Variants in PLG observed in about 807,000 individuals in gnomAD.
PLG encodes the protein plasmin.
A neutral mutation model predicts 104.4 loss-of-function variants in PLG; 41 were observed. That is an observed-to-expected ratio of 0.39 (90% CI 0.31 to 0.51). The LOEUF is 0.51. PLG is among the 20% of genes least tolerant of loss of function. PLG has a pLI of 0.76. For missense variants in PLG, 891 were observed against 1,003.6 expected (o/e 0.89, Z 1.52); for synonymous variants, 337 against 357.1 (o/e 0.94, Z 0.63).
Position 160,733,316 on chromosome 6 carries a change from C to T in PLG, c.1588-679C>T, listed in dbSNP as rs183030014. On this transcript the variant is annotated intron_variant, in intron 12 of 18. Transcript: ENST00000308192. ...TCATCGGGTAGGAGAGCGCTGAGCCCTCCAGGGACAATGCACATCAATGAT... is the reference window on the plus strand; with the variant it reads ...TCATCGGGTAGGAGAGCGCTGAGCCTTCCAGGGACAATGCACATCAATGAT... Among the ~76,000 whole-genome samples, 16 of 152,268 alleles carry T rather than the reference C, an allele frequency of 1.1e-4. No homozygotes were observed. In the East Asian group the frequency reaches 2.9e-3, roughly 28 times the overall value.
At chr6:160,709,460 C>T (rs1221204867) in intron 3 of PLG, among the ~76,000 whole-genome samples, 1 of 152,138 alleles carries the variant, frequency 6.6e-6, no homozygotes, top group East Asian at 1.9e-4. Context: ...CAAAGACTTC[C>T]CAAATGTGCT....
intron 5 of PLG, 122 bp downstream of exon 5, chr6:160,713,247 G>C (rs1777675861): frequency 4.7e-6 from 4 of 846,268 alleles, no homozygotes; most frequent in Non-Finnish European, 8.0e-6. Context: ...CTCTCGGAAA[G>C]AAGCAAAACC....
chr6:160,718,027 G>A (rs1037597128), intron 7 of PLG, among the ~76,000 whole-genome samples: 39 of 152,236 alleles, frequency 2.6e-4, no homozygotes, highest in African/African-American at 8.9e-4. Context: ...CGAGGTGGGC[G>A]GATCACGAGG....
rs111297167 is a variant in PLG, at chr6:160,714,113, G to A, written c.548-681G>A. Among the ~76,000 whole-genome samples, 709 of 152,142 alleles carry A rather than the reference G, an allele frequency of 4.7e-3. 8 individuals are homozygous for A. Among genetic ancestry groups the A allele is most frequent in the African/African-American group, 0.014 (563 of 41,492 alleles). The stretch of plus-strand genomic sequence containing the variant: ...CATCACTGTTATATTAAGTCTGCCC[G>A]TTTTCCTTAGTACTCCATAAAATTT... On this transcript the variant is annotated intron_variant, in intron 5 of 18. Coordinates refer to ENST00000308192, the MANE Select transcript of PLG (RefSeq NM_000301.5).
In PLG at chr6:160,752,020, C is replaced by T; in HGVS notation, c.2126-95C>T. Reference sequence around the variant, plus strand: ...AGCTGCCTCGTGTTCTGCAGCCTCACAGACAGGAGGTCCAGTGCCGCTGCT... The same window carrying T: ...AGCTGCCTCGTGTTCTGCAGCCTCATAGACAGGAGGTCCAGTGCCGCTGCT... On this transcript the variant is annotated intron_variant, in intron 17 of 18. Coordinates refer to ENST00000308192, the MANE Select transcript of PLG (RefSeq NM_000301.5). This position sits in a 1 kb window ranked among gnomAD's most constrained non-coding sequence, Gnocchi z 4.7. 1 of 1,088,604 alleles carries T rather than the reference C, an allele frequency of 9.2e-7. No individual in the cohort carries two copies. Among genetic ancestry groups the T allele is most frequent in the Non-Finnish European group, 1.4e-6 (1 of 710,880 alleles). 67.4% of individuals were successfully genotyped at this position (1,088,604 alleles called of 1,614,324 possible). A position where few individuals can be genotyped will look rare whatever the true frequency, so the allele number is the denominator to read the frequency against.
In PLG at chr6:160,752,359, C is replaced by G; in HGVS notation, c.2271+99C>G. 2 of 1,037,936 alleles carry G rather than the reference C, an allele frequency of 1.9e-6. No individual in the cohort carries two copies. Among genetic ancestry groups the G allele is most frequent in the Admixed American group, 1.7e-5 (1 of 58,562 alleles). The allele number at this position is 1,037,936 out of a possible 1,614,324, so 64.3% of individuals were successfully genotyped here. A position where few individuals can be genotyped will look rare whatever the true frequency, so the allele number is the denominator to read the frequency against. On this transcript the variant is annotated intron_variant, in intron 18 of 18. Coordinates refer to ENST00000308192, the MANE Select transcript of PLG (RefSeq NM_000301.5). This position sits in a 1 kb window ranked among gnomAD's most constrained non-coding sequence, Gnocchi z 4.7. ...CCCAGGTGGCAAATTCAAGGATTTT[C>G]AACCGAAGACCCCAGTCTAAGTGTT...
chr6:160,735,794 C>A lies in PLG; in HGVS notation c.1682-1093C>A, dbSNP rs961093851. Among the ~76,000 whole-genome samples, 5 of 152,100 alleles carry A rather than the reference C, an allele frequency of 3.3e-5. No individual in the cohort carries two copies. The highest frequency in any genetic ancestry group is 1.2e-4 in the African/African-American group (5 of 41,416). ...GGGTACCATCATTTCTGTAGTTACT[C>A]TTTTAGTACAACGATGCATGTCTAC... is the stretch of plus-strand genomic sequence containing the variant. On this transcript the variant is annotated intron_variant, in intron 13 of 18. Coordinates refer to ENST00000308192, the MANE Select transcript of PLG (RefSeq NM_000301.5). The surrounding 1 kb of genome is among the most constrained non-coding windows in gnomAD (Gnocchi z 5.4).
rs1243073853 is a variant in PLG at position 160,752,516 on chromosome 6, T to G, written c.2271+256T>G. Among the ~76,000 whole-genome samples, 2 of 152,116 alleles carry G rather than the reference T, an allele frequency of 1.3e-5. No homozygotes were observed. Among genetic ancestry groups the G allele is most frequent in the Admixed American group, 6.5e-5 (1 of 15,268 alleles). On this transcript the variant is annotated intron_variant, in intron 18 of 18. Transcript: ENST00000308192. This position sits in a 1 kb window ranked among gnomAD's most constrained non-coding sequence, Gnocchi z 4.7. ...AACTACCTCAGGCCACTCACCCTCC[T>G]GGGGTGTGCTGGTGGCCAGGGACTA...
At position 160,711,922 on chromosome 6, in the gene PLG, AT is replaced by A. The variant is rs1247402098; in HGVS notation, c.407+738del. ...ACTTGCCTATTATTTATTTTAGTGC[AT>A]TTTTTTGTACTTTTCCCAGTTTGGT... On this transcript the variant is annotated intron_variant, in intron 4 of 18. Coordinates refer to ENST00000308192, the MANE Select transcript of PLG (RefSeq NM_000301.5). 12 of 1,326,046 alleles carry A rather than the reference AT, an allele frequency of 9.0e-6. No individual in the cohort carries two copies. In the Admixed American group the frequency reaches 1.1e-4, roughly 12 times the overall value. 82.1% of individuals were successfully genotyped at this position (1,326,046 alleles called of 1,614,324 possible).
chr6:160,711,969 C>T (rs1352193787), intron 4 of PLG: 10 of 1,221,416 alleles, frequency 8.2e-6, no homozygotes, highest in Non-Finnish European at 1.0e-5. Flanking sequence ...ATTAAGTTCT[C>T]AGTAATGACG....
intron 2 of PLG, among the ~76,000 whole-genome samples, chr6:160,706,878 T>C (rs572425870): frequency 2.6e-5 from 4 of 151,574 alleles, no homozygotes; most frequent in Admixed American, 2.0e-4. Context: ...ATCTGAGCAA[T>C]GACTTATAGC....
chr6:160,713,203 A>C, intron 5 of PLG, 78 bp downstream of exon 5: 12 of 1,094,126 alleles, frequency 1.1e-5, no homozygotes, highest in Non-Finnish European at 1.7e-5. Context: ...CCCTTCCCAC[A>C]GGGATGTTAT....
intron 5 of PLG, among the ~76,000 whole-genome samples, chr6:160,714,587 G>C (rs984519892): frequency 6.6e-6 from 1 of 152,130 alleles, no homozygotes; most frequent in Non-Finnish European, 1.5e-5. Context: ...TGAATGTTAC[G>C]GTTTAAAAGG....
At position 160,718,885 on chromosome 6, in the gene PLG, AT is replaced by A. The variant is rs772837888; in HGVS notation, c.1096+52del. The stretch of plus-strand genomic sequence containing the variant: ...TACTGAGGGCCCAAGTTTTCTCCTT[AT>A]TTTTGTATACCAGTGGCATCATCAC... On this transcript the variant is annotated intron_variant, in intron 9 of 18. Transcript: ENST00000308192. 2.6e-6 allele frequency: 4 copies of A among 1,530,288 alleles called. No individual in the cohort carries two copies. The East Asian group carries it at 9.0e-5, about 34-fold the overall frequency. The allele number at this position is 1,530,288 out of a possible 1,614,324, so 94.8% of individuals were successfully genotyped here. A position where few individuals can be genotyped will look rare whatever the true frequency, so the allele number is the denominator to read the frequency against.
intron 1 of PLG, among the ~76,000 whole-genome samples, chr6:160,704,966 C>A (rs1200703329): frequency 6.6e-6 from 1 of 152,158 alleles, no homozygotes; most frequent in Non-Finnish European, 1.5e-5. Context: ...TCTTTCAGAA[C>A]CTCCCCTGAC....
rs1414789853 is a variant in PLG at position 160,707,786 on chromosome 6, T to C, written c.272T>C (p.Val91Ala). Residue 91 changes from valine to alanine, a missense_variant, in exon 3 of 19, where the codon GTA becomes GCA. Val to Ala is a moderately conservative substitution (Grantham distance 64). Around this residue, in one of 2 missense-constraint regions of PLG, gnomAD observed 854 missense variants for 932.1 expected, o/e 0.92. Transcript: ENST00000308192. ...KSSIIIRMRD[V>A]VLFEKKVYLS... ...TCCATAATCATTAGGATGAGAGATG[T>C]AGTTTTATTTGAAAAGAAAGGTGAG... 6.2e-7 allele frequency: 1 copy of C among 1,611,360 alleles called. No individual in the cohort carries two copies. The highest frequency in any genetic ancestry group is 8.5e-7 in the Non-Finnish European group (1 of 1,179,300).
chr6:160,732,261 A>C lies in PLG; in HGVS notation c.1587+368A>C, dbSNP rs541788760. Among the ~76,000 whole-genome samples the C allele has an allele frequency of 5.9e-5, 9 of 152,224 alleles. No homozygotes were observed. The South Asian group carries it at 1.0e-3, about 18-fold the overall frequency. ...ATTTAAGTCAGATTTTTCGAGAAAAAATTTGGATGGGCCATCAGGTCACCA... is the reference window on the plus strand; with the variant it reads ...ATTTAAGTCAGATTTTTCGAGAAAACATTTGGATGGGCCATCAGGTCACCA... On this transcript the variant is annotated intron_variant, in intron 12 of 18. Transcript: ENST00000308192. The surrounding 1 kb of genome is among the most constrained non-coding windows in gnomAD (Gnocchi z 4.5).
rs1778409807 is a variant in PLG at position 160,752,014 on chromosome 6, G to T, written c.2126-101G>T. Reference sequence around the variant, plus strand: ...ATTGGGAGCTGCCTCGTGTTCTGCAGCCTCACAGACAGGAGGTCCAGTGCC... The same window carrying T: ...ATTGGGAGCTGCCTCGTGTTCTGCATCCTCACAGACAGGAGGTCCAGTGCC... On this transcript the variant is annotated intron_variant, in intron 17 of 18. Transcript: ENST00000308192. This position sits in a 1 kb window ranked among gnomAD's most constrained non-coding sequence, Gnocchi z 4.7. 3.0e-6 allele frequency: 3 copies of T among 1,008,662 alleles called. No individual in the cohort carries two copies. Among genetic ancestry groups the T allele is most frequent in the Non-Finnish European group, 3.1e-6 (2 of 638,870 alleles). The allele number at this position is 1,008,662 out of a possible 1,614,324, so 62.5% of individuals were successfully genotyped here.
chr6:160,718,864 G>C, intron 9 of PLG, 26 bp downstream of exon 9: 1 of 1,607,190 alleles, frequency 6.2e-7, no homozygotes, highest in Middle Eastern at 1.7e-4. Context: ...GGAGCTTACT[G>C]AGGGCCCAAG....
Sources: gnomAD v4.1 joint callset for allele counts (sites outside exome capture counted in the v4.1 genomes callset) on GRCh38, gnomAD v4.1.1 for gene constraint, gnomAD v4.1.1 regional missense constraint, Gnocchi (gnomAD v3.1) non-coding constraint, MANE v1.5 for transcripts, NCBI Gene and HGNC (gene_info 2026-07-23, HGNC 2026-07-21) for gene names.